PRELID2: variants seen among roughly 807,000 people sequenced by gnomAD.
PRELID2 encodes the protein PRELI domain-containing protein 2.
PRELID2 carries 25 observed loss-of-function variants against 28.4 expected under a neutral mutation model. The observed-to-expected ratio is 0.88, with a 90% CI of 0.64 to 1.23. PRELID2 has a LOEUF of 1.23. PRELID2 is among the 50% of genes most tolerant of loss of function. The pLI is 0.00. For missense variants in PRELID2, 201 were observed against 214.4 expected, an observed-to-expected ratio of 0.94 and a Z score of 0.39; for synonymous variants, 76 against 71.6, an observed-to-expected ratio of 1.06 and a Z score of -0.31.
intron 1 of PRELID2, among the ~76,000 whole-genome samples, chr5:145,685,505 A>G (rs963463690): frequency 1.3e-5 from 2 of 152,208 alleles, no homozygotes; most frequent in Non-Finnish European, 2.9e-5. Flanking sequence ...GGACAAACCT[A>G]AACCTCATCA....
At position 145,821,152 on chromosome 5, in the gene PRELID2, GGTGT is replaced by G. The variant is rs70998038; in HGVS notation, c.134-1138_134-1135del. On this transcript the variant is annotated intron_variant, in intron 2 of 6. Transcript: ENST00000683046. ...ACCTGATGGTCATCCAACTCTCCTG[GGTGT>G]GTGTGTGTGTGTGTGTGTGTGTGTG... Among the ~76,000 whole-genome samples, 505 of 88,258 alleles carry G rather than the reference GGTGT, an allele frequency of 5.7e-3. 11 individuals are homozygous for G. Among genetic ancestry groups the G allele is most frequent in the African/African-American group, 0.017 (422 of 25,034 alleles). The allele number at this position is 88,258 out of a possible 152,430, so 57.9% of individuals were successfully genotyped here. A position where few individuals can be genotyped will look rare whatever the true frequency, so the allele number is the denominator to read the frequency against.
chr5:145,475,975 A>T (rs1752096748), intron 1 of PRELID2, among the ~76,000 whole-genome samples: 1 of 152,232 alleles, frequency 6.6e-6, no homozygotes, highest in South Asian at 2.1e-4. Flanking sequence ...TCTCAAAGCC[A>T]GTCCATGTTC....
intron 1 of PRELID2, among the ~76,000 whole-genome samples, chr5:145,749,150 C>G (rs1333883538): frequency 6.6e-6 from 1 of 152,078 alleles, no homozygotes; most frequent in Admixed American, 6.6e-5. Context: ...AGCTTCTGCA[C>G]AGCAAAAGAA....
intron 1 of PRELID2, among the ~76,000 whole-genome samples, chr5:145,734,164 G>A (rs1756429184): frequency 6.6e-6 from 1 of 152,036 alleles, no homozygotes; most frequent in African/African-American, 2.4e-5. Flanking sequence ...CACCCAGGCT[G>A]GAGTGCAGTG....
At chr5:145,350,430 A>C in the PRELID2 span, among the ~76,000 whole-genome samples, 1 of 152,166 alleles carries the variant, frequency 6.6e-6, no homozygotes, top group Non-Finnish European at 1.5e-5. Flanking sequence ...GTTTAGGGGA[A>C]ACCAGGAGGC....
At chr5:145,457,027 G>A in the PRELID2 span, among the ~76,000 whole-genome samples, 1 of 152,176 alleles carries the variant, frequency 6.6e-6, no homozygotes, top group African/African-American at 2.4e-5. Context: ...GCCTCAGAAG[G>A]CCCTCCAAAA....
chr5:145,560,530 C>CT (rs1286149962), intron 1 of PRELID2, among the ~76,000 whole-genome samples: 1 of 152,182 alleles, frequency 6.6e-6, no homozygotes. Flanking sequence ...ACCTGAGAGG[C>CT]TTTTAACAGC....
At chr5:145,670,810 G>T (rs187953263) in intron 1 of PRELID2, among the ~76,000 whole-genome samples, 9 of 152,254 alleles carry the variant, frequency 5.9e-5, no homozygotes, top group Admixed American at 2.6e-4. Context: ...GATCTCAGTA[G>T]CTGGATCTAG....
intron 1 of PRELID2, among the ~76,000 whole-genome samples, chr5:145,695,578 G>A (rs909610042): frequency 6.6e-6 from 1 of 151,606 alleles, no homozygotes; most frequent in South Asian, 2.1e-4. Context: ...TCAGGTCCTG[G>A]CTCAGAGTCT....
At chr5:145,328,302 T>A in the PRELID2 span, among the ~76,000 whole-genome samples, 1 of 152,216 alleles carries the variant, frequency 6.6e-6, no homozygotes, top group Non-Finnish European at 1.5e-5. Flanking sequence ...ATATACCCAA[T>A]AATGGGATTG....
intron 5 of PRELID2, among the ~76,000 whole-genome samples, chr5:145,788,590 T>C (rs759111412): frequency 9.2e-5 from 14 of 152,124 alleles, no homozygotes; most frequent in South Asian, 2.1e-4. Flanking sequence ...TGCACACAGA[T>C]AGACAACTAT....
intron 1 of PRELID2, among the ~76,000 whole-genome samples, chr5:145,829,025 T>C (rs778306290): frequency 2.0e-5 from 3 of 151,482 alleles, no homozygotes; most frequent in Admixed American, 6.6e-5. Flanking sequence ...TTTTTTGTTT[T>C]TGTGTCTGTG....
At chr5:145,815,847 T>C (rs1474547339) in intron 4 of PRELID2, among the ~76,000 whole-genome samples, 2 of 152,222 alleles carry the variant, frequency 1.3e-5, no homozygotes, top group African/African-American at 2.4e-5. Flanking sequence ...CTGGCTATTA[T>C]AATGCTATGA....
intron 1 of PRELID2, among the ~76,000 whole-genome samples, chr5:145,536,782 C>A (rs950866462): frequency 6.6e-6 from 1 of 151,746 alleles, no homozygotes; most frequent in African/African-American, 2.4e-5. Flanking sequence ...TAAAGTGACT[C>A]AAAGAGTGAA....
chr5:145,453,399 G>T, the PRELID2 span, among the ~76,000 whole-genome samples: 1 of 152,090 alleles, frequency 6.6e-6, no homozygotes, highest in Non-Finnish European at 1.5e-5. Flanking sequence ...TATCTCAAAA[G>T]CAGTTCACTC....
intron 1 of PRELID2, among the ~76,000 whole-genome samples, chr5:145,609,711 G>T (rs937122583): frequency 5.3e-5 from 8 of 152,220 alleles, no homozygotes; most frequent in African/African-American, 1.4e-4. Context: ...AGGAGGCTGT[G>T]CCCACCAGCT....
chr5:145,520,451 C>T (rs1480089260), intron 1 of PRELID2, among the ~76,000 whole-genome samples: 1 of 152,160 alleles, frequency 6.6e-6, no homozygotes, highest in Non-Finnish European at 1.5e-5. Context: ...CACGCTGAAC[C>T]ACAGCACACA....
chr5:145,401,174 A>C, the PRELID2 span, among the ~76,000 whole-genome samples: 5 of 152,134 alleles, frequency 3.3e-5, no homozygotes, highest in Admixed American at 1.3e-4. Context: ...AGGACCTAAA[A>C]ATGTGAATTT....
intron 1 of PRELID2, among the ~76,000 whole-genome samples, chr5:145,674,934 CAAA>C (rs968545930): frequency 7.4e-6 from 1 of 135,304 alleles, no homozygotes. Context: ...GATTCAGTAT[CAAA>C]AAAAAAAAAG....
Sources: allele counts gnomAD v4.1 joint callset (sites outside exome capture counted in the v4.1 genomes callset), GRCh38; gene constraint gnomAD v4.1.1; transcripts MANE v1.5; gene names NCBI Gene and HGNC (gene_info 2026-07-23, HGNC 2026-07-21).